Variants in SMAP1 observed in about 807,000 individuals in gnomAD.
The protein encoded by SMAP1 is stromal membrane-associated protein 1.
A neutral mutation model predicts 58.5 loss-of-function variants in SMAP1; 24 were observed. The observed-to-expected ratio is 0.41, with a 90% CI of 0.30 to 0.58. SMAP1 has a LOEUF of 0.58. Ranked by LOEUF, SMAP1 falls within the 20% of genes least tolerant of loss-of-function variation. The pLI is 0.29. For missense variants in SMAP1, 563 were observed against 566.3 expected, an observed-to-expected ratio of 0.99 and a Z score of 0.06; for synonymous variants, 216 against 196.6, an observed-to-expected ratio of 1.10 and a Z score of -0.82.
intron 6 of SMAP1, among the ~76,000 whole-genome samples, chr6:70,823,033 A>T (rs915193953): frequency 6.6e-6 from 1 of 151,938 alleles, no homozygotes; most frequent in African/African-American, 2.4e-5. Flanking sequence ...ATTCTTGCAT[A>T]TTGTCTACTT....
At chr6:70,718,251 A>G (rs1451047347) in intron 1 of SMAP1, among the ~76,000 whole-genome samples, 2 of 152,230 alleles carry the variant, frequency 1.3e-5, no homozygotes, top group African/African-American at 4.8e-5. Context: ...GAGATCCTGA[A>G]CTGGGGCAGA....
chr6:70,713,757 T>C (rs1294153408), intron 1 of SMAP1, among the ~76,000 whole-genome samples: 1 of 152,200 alleles, frequency 6.6e-6, no homozygotes, highest in Non-Finnish European at 1.5e-5. Flanking sequence ...GTCAAGTTTA[T>C]TTGGTGTGTA....
chr6:70,689,603 A>G (rs1322791324), intron 1 of SMAP1, among the ~76,000 whole-genome samples: 1 of 152,200 alleles, frequency 6.6e-6, no homozygotes, highest in Non-Finnish European at 1.5e-5. Flanking sequence ...GTCAATTTCT[A>G]CAAATAATCT....
chr6:70,813,467 AC>A (rs1395281776), intron 6 of SMAP1, among the ~76,000 whole-genome samples: 3 of 152,150 alleles, frequency 2.0e-5, no homozygotes, highest in African/African-American at 7.2e-5. Context: ...CTCTTCACCA[AC>A]CACTTACATA....
chr6:70,737,756 C>T (rs138462183), intron 2 of SMAP1, among the ~76,000 whole-genome samples: 3 of 152,236 alleles, frequency 2.0e-5, no homozygotes, highest in African/African-American at 4.8e-5. Context: ...TGTGAGATAA[C>T]GCTTATTATC....
intron 1 of SMAP1, among the ~76,000 whole-genome samples, chr6:70,704,687 A>G (rs1767766843): frequency 1.3e-5 from 2 of 152,194 alleles, no homozygotes; most frequent in East Asian, 1.9e-4. Context: ...ATCTTTATAT[A>G]GCAATTTTCA....
chr6:70,782,692 C>A (rs533665177), intron 4 of SMAP1, among the ~76,000 whole-genome samples: 1 of 152,202 alleles, frequency 6.6e-6, no homozygotes, highest in African/African-American at 2.4e-5. Flanking sequence ...TCTTGGTCCT[C>A]CCCTGGAATT....
At chr6:70,848,437 C>G (rs1418042626) in intron 7 of SMAP1, among the ~76,000 whole-genome samples, 1 of 152,110 alleles carries the variant, frequency 6.6e-6, no homozygotes, top group Non-Finnish European at 1.5e-5. Context: ...ATTTTCAGAA[C>G]TTTAAGTGAT....
intron 6 of SMAP1, among the ~76,000 whole-genome samples, chr6:70,827,206 G>C (rs1770169652): frequency 6.6e-6 from 1 of 152,098 alleles, no homozygotes; most frequent in African/African-American, 2.4e-5. Context: ...TTTATTAACT[G>C]TGGATATCTG....
At chr6:70,774,222 G>C (rs1767454314) in intron 4 of SMAP1, among the ~76,000 whole-genome samples, 1 of 152,168 alleles carries the variant, frequency 6.6e-6, no homozygotes, top group East Asian at 1.9e-4. Flanking sequence ...ATGTTTCTCA[G>C]AATGTATCCC....
intron 1 of SMAP1, among the ~76,000 whole-genome samples, chr6:70,682,758 G>T (rs938328466): frequency 3.3e-5 from 5 of 152,148 alleles, no homozygotes; most frequent in Non-Finnish European, 7.3e-5. Context: ...GAATGGCTAG[G>T]CAAGTGCTGT....
intron 1 of SMAP1, among the ~76,000 whole-genome samples, chr6:70,700,727 C>G (rs1436970728): frequency 6.6e-6 from 1 of 152,190 alleles, no homozygotes; most frequent in East Asian, 1.9e-4. Flanking sequence ...ATGCTTGAAG[C>G]CTGCATGGCA....
At chr6:70,840,907 G>T (rs536621888) in intron 7 of SMAP1, among the ~76,000 whole-genome samples, 32 of 152,312 alleles carry the variant, frequency 2.1e-4, no homozygotes, top group African/African-American at 7.5e-4. Flanking sequence ...TGTTAAAATA[G>T]AATTAAAATC....
chr6:70,861,961 G>A lies in SMAP1; in HGVS notation c.*1627G>A, dbSNP rs771270674. On this transcript the variant is annotated 3_prime_UTR_variant, in exon 11 of 11. Coordinates refer to ENST00000370455, the MANE Select transcript of SMAP1 (RefSeq NM_001044305.3). ...GCTTTTGGATTGGACAAAATGACTT[G>A]AAGACTTACAGCAAATCCTTTGTGA... 6.2e-7 allele frequency: 1 copy of A among 1,610,434 alleles called. No homozygotes were observed. The highest frequency in any genetic ancestry group is 1.3e-5 in the African/African-American group (1 of 74,664).
chr6:70,721,091 A>G (rs1179764333), intron 1 of SMAP1, among the ~76,000 whole-genome samples: 5 of 152,336 alleles, frequency 3.3e-5, no homozygotes. Context: ...CTACTTATGC[A>G]AATTTCTGCA....
chr6:70,793,735 T>A (rs907082031), intron 5 of SMAP1, among the ~76,000 whole-genome samples: 6 of 151,988 alleles, frequency 3.9e-5, no homozygotes, highest in East Asian at 1.9e-4. Context: ...TTATTTATTT[T>A]TTTGAGACAG....
intron 2 of SMAP1, among the ~76,000 whole-genome samples, chr6:70,738,888 A>C (rs1183588313): frequency 6.6e-6 from 1 of 152,228 alleles, no homozygotes; most frequent in African/African-American, 2.4e-5. Context: ...GTGGCTAAGT[A>C]CATTAAAGAA....
intron 4 of SMAP1, among the ~76,000 whole-genome samples, chr6:70,774,396 T>G (rs1276430841): frequency 6.6e-6 from 1 of 152,224 alleles, no homozygotes; most frequent in Non-Finnish European, 1.5e-5. Flanking sequence ...AACCAGTTAA[T>G]CTTTTGGTGA....
In SMAP1 at chr6:70,831,122, C is replaced by T. The variant is rs567506240; in HGVS notation, c.577-5819C>T. On this transcript the variant is annotated intron_variant, in intron 6 of 10. Transcript: ENST00000370455. ...ATCATTTCAACTGTCTCTTCCTAGTCCAATAGCTGAGGCCAGCCATGATTT... is the reference window on the plus strand; with the variant it reads ...ATCATTTCAACTGTCTCTTCCTAGTTCAATAGCTGAGGCCAGCCATGATTT... Among the ~76,000 whole-genome samples, 3 of 152,302 alleles carry T rather than the reference C, an allele frequency of 2.0e-5. No homozygotes were observed. In the South Asian group the frequency reaches 6.2e-4, roughly 32 times the overall value.
Sources: gnomAD v4.1 joint callset for allele counts (sites outside exome capture counted in the v4.1 genomes callset) on GRCh38, gnomAD v4.1.1 for gene constraint, MANE v1.5 for transcripts, NCBI Gene and HGNC (gene_info 2026-07-23, HGNC 2026-07-21) for gene names.